GNB4: variants seen among roughly 807,000 people sequenced by gnomAD.
GNB4 encodes G protein subunit beta 4.
GNB4 carries 28 observed loss-of-function variants against 45.2 expected under a neutral mutation model. That is an observed-to-expected ratio of 0.62 (90% CI 0.46 to 0.85). GNB4 has a LOEUF of 0.85. Ranked by LOEUF, GNB4 falls within the 40% of genes least tolerant of loss-of-function variation. The probability of loss-of-function intolerance (pLI) is 0.00; values close to 1 mark genes in which losing one functional copy is unlikely to be tolerated. For missense variants in GNB4, 321 were observed against 425.4 expected, an observed-to-expected ratio of 0.75 and a Z score of 2.16; for synonymous variants, 132 against 143.7, an observed-to-expected ratio of 0.92 and a Z score of 0.58.
chr3:179,456,177 T>A (rs1715975414), upstream of GNB4, among the ~76,000 whole-genome samples: 1 of 148,250 alleles, frequency 6.7e-6, no homozygotes, highest in Non-Finnish European at 1.5e-5. Flanking sequence ...AGTGGCGCAA[T>A]CTCAGCTCAT....
the GNB4 span, chr3:179,465,339 C>A: frequency 8.8e-7 from 1 of 1,141,400 alleles, no homozygotes; most frequent in Non-Finnish European, 1.3e-6. Context: ...CGCGGTGGCT[C>A]ACACCTGTAA....
At chr3:179,426,640 G>C (rs998644233) in intron 1 of GNB4, among the ~76,000 whole-genome samples, 16 of 152,044 alleles carry the variant, frequency 1.1e-4, no homozygotes, top group African/African-American at 3.6e-4. Context: ...CCCCATCTCA[G>C]GAAACGGCAA....
the GNB4 span, among the ~76,000 whole-genome samples, chr3:179,468,420 G>A: frequency 9.6e-4 from 146 of 151,830 alleles, no homozygotes; most frequent in African/African-American, 3.2e-3. Context: ...GCTTGAACCC[G>A]GGAGGAAGAG....
the GNB4 span, among the ~76,000 whole-genome samples, chr3:179,458,347 A>G: frequency 6.6e-6 from 1 of 152,186 alleles, no homozygotes; most frequent in Non-Finnish European, 1.5e-5. Context: ...TTCTGCTCTC[A>G]TAGTGTGATA....
intron 8 of GNB4, among the ~76,000 whole-genome samples, chr3:179,406,167 A>T (rs541725630): frequency 6.6e-6 from 1 of 152,310 alleles, no homozygotes; most frequent in Admixed American, 6.5e-5. Context: ...TAATATTACT[A>T]CAGATTTCCT....
At chr3:179,496,590 A>G in the GNB4 span, among the ~76,000 whole-genome samples, 1 of 152,192 alleles carries the variant, frequency 6.6e-6, no homozygotes, top group Non-Finnish European at 1.5e-5. Context: ...TATGCTGCCT[A>G]TGAGAAACTC....
chr3:179,411,392 G>A (rs1714646866), intron 8 of GNB4, among the ~76,000 whole-genome samples: 2 of 149,740 alleles, frequency 1.3e-5, no homozygotes, highest in Admixed American at 6.7e-5. Flanking sequence ...CAGTATCTTT[G>A]TTTGAATCAT....
Position 179,396,747 on chromosome 3 carries a change from TTAATAA to T in GNB4, c.*4460_*4465del, listed in dbSNP as rs1714131307. The T allele has an allele frequency of 2.0e-5, 3 of 152,160 alleles. No homozygotes were observed. The highest frequency in any genetic ancestry group is 4.4e-5 in the Non-Finnish European group (3 of 68,026). The allele number at this position is 152,160 out of a possible 1,614,324, so 9.4% of individuals were successfully genotyped here. Reference sequence around the variant, plus strand: ...AGGTGTACCATCAATGTGTGATTAATTAATAAGTTACTTTTTAAAATAAAGTGCTAG... The same window carrying T: ...AGGTGTACCATCAATGTGTGATTAATGTTACTTTTTAAAATAAAGTGCTAG... On this transcript the variant is annotated 3_prime_UTR_variant, in exon 10 of 10. Transcript: ENST00000232564.
chr3:179,497,891 A>C, the GNB4 span, among the ~76,000 whole-genome samples: 1 of 152,200 alleles, frequency 6.6e-6, no homozygotes, highest in Non-Finnish European at 1.5e-5. Context: ...AAAAGCAAAA[A>C]AACAAGTGTT....
chr3:179,449,164 T>C (rs978490934), intron 1 of GNB4, among the ~76,000 whole-genome samples: 1 of 152,226 alleles, frequency 6.6e-6, no homozygotes, highest in Non-Finnish European at 1.5e-5. Context: ...ATCCTGTTTG[T>C]AACCTTCCAA....
At chr3:179,519,944 C>T in the GNB4 span, among the ~76,000 whole-genome samples, 4 of 152,104 alleles carry the variant, frequency 2.6e-5, no homozygotes, top group Non-Finnish European at 4.4e-5. Context: ...TTTACAGTTC[C>T]CCCATTTTGT....
the GNB4 span, among the ~76,000 whole-genome samples, chr3:179,492,295 C>A: frequency 2.6e-5 from 4 of 152,168 alleles, no homozygotes; most frequent in Non-Finnish European, 5.9e-5. Context: ...TGCCACTGTG[C>A]TTCCCCTAGG....
the GNB4 span, among the ~76,000 whole-genome samples, chr3:179,491,221 A>T: frequency 6.6e-6 from 1 of 152,358 alleles, no homozygotes; most frequent in African/African-American, 2.4e-5. Flanking sequence ...AAGAGCTTGC[A>T]ATCTAATTAG....
chr3:179,421,943 TGGTA>T (rs1714993249), intron 2 of GNB4, among the ~76,000 whole-genome samples: 1 of 152,152 alleles, frequency 6.6e-6, no homozygotes, highest in African/African-American at 2.4e-5. Context: ...GTTCCAAAAA[TGGTA>T]GAGTTAAAGA....
chr3:179,465,368 C>A, the GNB4 span: 1 of 788,252 alleles, frequency 1.3e-6, no homozygotes, highest in Non-Finnish European at 2.1e-6. Context: ...CTTTGGGAGG[C>A]CGAGGCGGGC....
the GNB4 span, among the ~76,000 whole-genome samples, chr3:179,520,794 C>T: frequency 6.6e-6 from 1 of 152,090 alleles, no homozygotes; most frequent in Non-Finnish European, 1.5e-5. Flanking sequence ...CTCCATTTCC[C>T]CAAATTTCCT....
chr3:179,483,661 T>C, the GNB4 span, among the ~76,000 whole-genome samples: 5 of 152,204 alleles, frequency 3.3e-5, no homozygotes, highest in East Asian at 9.6e-4. Flanking sequence ...AAAAGACAGT[T>C]GTTTCTCTTG....
chr3:179,448,881 C>G (rs576466047), intron 1 of GNB4, among the ~76,000 whole-genome samples: 1 of 152,086 alleles, frequency 6.6e-6, no homozygotes, highest in East Asian at 1.9e-4. Flanking sequence ...GAGTTCAAGA[C>G]CAGCCTGGGC....
At chr3:179,413,961 T>C (rs564234193) in intron 6 of GNB4, among the ~76,000 whole-genome samples, 180 bp from the exon 7 acceptor site, 7 of 152,338 alleles carry the variant, frequency 4.6e-5, no homozygotes, top group South Asian at 4.1e-4. Context: ...CCAAATTTTA[T>C]CCACAAACCA....
Sources: allele counts gnomAD v4.1 joint callset (sites outside exome capture counted in the v4.1 genomes callset), GRCh38; gene constraint gnomAD v4.1.1; transcripts MANE v1.5; gene names NCBI Gene and HGNC (gene_info 2026-07-23, HGNC 2026-07-21).